The following EYS variants were observed in gnomAD, a reference collection of about 807,000 sequenced individuals.
The protein encoded by EYS is protein eyes shut homolog.
EYS carries 250 observed loss-of-function variants against 282.1 expected under a neutral mutation model. The ratio of observed to expected loss-of-function variants is 0.89; its 90% CI spans 0.80 to 0.98. EYS has a LOEUF of 0.98. Ranked by LOEUF, EYS falls within the 50% of genes least tolerant of loss-of-function variation. The pLI, the probability that EYS is intolerant of heterozygous loss-of-function variation, is 0.00. For missense variants in EYS, 4,016 were observed against 3,709.0 expected (o/e 1.08, Z -2.15); for synonymous variants, 1,355 against 1,282.9 (o/e 1.06, Z -1.20).
intron 42 of EYS, among the ~76,000 whole-genome samples, chr6:63,725,520 T>G (rs1369126129): frequency 6.6e-6 from 1 of 152,136 alleles, no homozygotes; most frequent in African/African-American, 2.4e-5. Flanking sequence ...AATTTATGTT[T>G]GTATGTGGTT....
intron 41 of EYS, among the ~76,000 whole-genome samples, chr6:63,759,982 G>A (rs995241823): frequency 3.3e-5 from 5 of 152,000 alleles, no homozygotes; most frequent in Non-Finnish European, 5.9e-5. Flanking sequence ...TGTTTAAGTA[G>A]TTTGAACATT....
At chr6:65,459,853 T>C (rs537810901) in intron 5 of EYS, among the ~76,000 whole-genome samples, 1 of 150,608 alleles carries the variant, frequency 6.6e-6, no homozygotes, top group Admixed American at 6.6e-5. Context: ...GTAGTCACTG[T>C]ATTTTGGTTG....
intron 35 of EYS, among the ~76,000 whole-genome samples, chr6:63,880,501 A>ATCTC (rs1180482787): frequency 1.1e-4 from 16 of 151,746 alleles, no homozygotes; most frequent in African/African-American, 3.9e-4. Flanking sequence ...CTATCTATCT[A>ATCTC]TCTATCTATC....
At chr6:65,064,489 T>C (rs1299199911) in intron 12 of EYS, among the ~76,000 whole-genome samples, 2 of 146,608 alleles carry the variant, frequency 1.4e-5, no homozygotes, top group Admixed American at 6.9e-5. Flanking sequence ...ATATAGTATA[T>C]ATAATATATA....
rs1582570751 is a variant in EYS, at chr6:64,306,912, T to C, written c.6191+58A>G. On this transcript the variant is annotated intron_variant, in intron 30 of 42. Coordinates refer to ENST00000503581, the MANE Select transcript of EYS (RefSeq NM_001142800.2). ...ATTAGATTATTTCAATTGGAAATGATATCTTTTGGTGTGGTTATTTGAACA... is the reference window on the plus strand; with the variant it reads ...ATTAGATTATTTCAATTGGAAATGACATCTTTTGGTGTGGTTATTTGAACA... The C allele has an allele frequency of 1.1e-5, 9 of 809,128 alleles. No homozygotes were observed. The South Asian group carries it at 1.4e-4, about 13-fold the overall frequency. The allele number at this position is 809,128 out of a possible 1,614,324, so 50.1% of individuals were successfully genotyped here.
chr6:65,531,027 T>A (rs1162905188), intron 2 of EYS, among the ~76,000 whole-genome samples: 1 of 152,168 alleles, frequency 6.6e-6, no homozygotes, highest in Non-Finnish European at 1.5e-5. Context: ...TGTATTTAGA[T>A]CTCCTTTACA....
intron 2 of EYS, among the ~76,000 whole-genome samples, chr6:65,538,043 A>C (rs1768024037): frequency 6.6e-6 from 1 of 152,160 alleles, no homozygotes; most frequent in African/African-American, 2.4e-5. Context: ...CAATTTCCTC[A>C]TTTTATTAAA....
rs187162048 is a variant in EYS, at chr6:65,227,115, C to T, written c.2023+68748G>A. On this transcript the variant is annotated intron_variant, in intron 12 of 42. Transcript: ENST00000503581. ...GGGTGTGGTGGTGCATGTCTGTAAT[C>T]CCAGCTACTCGGGAGGCTGAGGGGA... 1.8e-3 allele frequency among the ~76,000 whole-genome samples: 275 copies of T among 150,872 alleles called. 1 individual carries two copies. Among genetic ancestry groups the T allele is most frequent in the Middle Eastern group, 3.4e-3 (1 of 294 alleles).
chr6:64,494,916 T>C (rs1776844482), intron 26 of EYS, among the ~76,000 whole-genome samples: 1 of 151,692 alleles, frequency 6.6e-6, no homozygotes, highest in Admixed American at 6.6e-5. Context: ...GTTATAAATA[T>C]CTATATGATA....
In EYS at chr6:64,780,540, G is replaced by T. The variant is rs533489927; in HGVS notation, c.3443+32838C>A. On this transcript the variant is annotated intron_variant, in intron 22 of 42. Transcript: ENST00000503581. ...GAAGGGGAGAGGGAAGGACGGGGTTGAGGGTTGAACAATTATCTGTTGGGT... is the reference window on the plus strand; with the variant it reads ...GAAGGGGAGAGGGAAGGACGGGGTTTAGGGTTGAACAATTATCTGTTGGGT... 3.9e-5 allele frequency among the ~76,000 whole-genome samples: 6 copies of T among 152,268 alleles called. No homozygotes were observed. In the South Asian group the frequency reaches 1.2e-3, roughly 32 times the overall value.
At chr6:64,932,163 TC>T (rs1768748667) in intron 15 of EYS, among the ~76,000 whole-genome samples, 8 of 152,042 alleles carry the variant, frequency 5.3e-5, no homozygotes, top group African/African-American at 1.7e-4. Context: ...TCTCCCCAGC[TC>T]TTCAATGGAC....
chr6:64,939,331 T>C (rs1769013410), intron 15 of EYS, among the ~76,000 whole-genome samples: 1 of 151,820 alleles, frequency 6.6e-6, no homozygotes, highest in Non-Finnish European at 1.5e-5. Context: ...ATCTTAGGAA[T>C]GATGAAATGA....
chr6:63,855,751 T>C (rs1772373887), intron 36 of EYS, among the ~76,000 whole-genome samples: 1 of 152,200 alleles, frequency 6.6e-6, no homozygotes, highest in Admixed American at 6.5e-5. Flanking sequence ...AAGAGTGTTC[T>C]GATAAAGGGT....
At chr6:65,652,151 G>T (rs1228948310) in intron 1 of EYS, among the ~76,000 whole-genome samples, 1 of 151,958 alleles carries the variant, frequency 6.6e-6, no homozygotes, top group East Asian at 1.9e-4. Flanking sequence ...GAAGGAAAAT[G>T]ATAAATGAAA....
intron 14 of EYS, among the ~76,000 whole-genome samples, chr6:64,953,741 T>C (rs1256517730): frequency 7.2e-5 from 11 of 151,802 alleles, no homozygotes; most frequent in Non-Finnish European, 1.5e-5. Flanking sequence ...ACACTGAATT[T>C]GATTGAACAT....
At chr6:65,635,649 C>A (rs1454515329) in intron 2 of EYS, among the ~76,000 whole-genome samples, 5 of 152,070 alleles carry the variant, frequency 3.3e-5, no homozygotes, top group Non-Finnish European at 7.4e-5. Flanking sequence ...AATAGGCCTC[C>A]CCCAAAACTC....
chr6:64,287,780 G>A (rs989215614), intron 30 of EYS, among the ~76,000 whole-genome samples: 2 of 152,110 alleles, frequency 1.3e-5, no homozygotes, highest in African/African-American at 4.8e-5. Flanking sequence ...CAATAGACCG[G>A]AAAGATTATC....
Position 65,384,412 on chromosome 6 carries a change from A to T in EYS, c.1273T>A (p.Cys425Ser). 1 of 1,606,358 alleles carries T rather than the reference A, an allele frequency of 6.2e-7. No individual in the cohort carries two copies. Among genetic ancestry groups the T allele is most frequent in the Non-Finnish European group, 8.5e-7 (1 of 1,174,924 alleles). Residue 425 changes from cysteine to serine, a missense_variant, in exon 8 of 43, where the codon TGT becomes AGT. By Grantham distance (112) the Cys-to-Ser change is moderately radical (BLOSUM62 -1). Transcript: ENST00000503581. ...TTGAATCTTCCAATTATATTGAAAC[A>T]CCATTCTTCATTCAGACAGTTGATG... ...LSINCLNEEWCFNIIGRFKYV... is the reference protein window; with the variant it reads ...LSINCLNEEWSFNIIGRFKYV...
intron 22 of EYS, among the ~76,000 whole-genome samples, chr6:64,688,381 A>C (rs1770240561): frequency 6.6e-6 from 1 of 152,002 alleles, no homozygotes; most frequent in Admixed American, 6.6e-5. Flanking sequence ...ATTTCCCTCT[A>C]CACACTGCTT....
Sources: gnomAD v4.1 joint callset for allele counts (sites outside exome capture counted in the v4.1 genomes callset) on GRCh38, gnomAD v4.1.1 for gene constraint, MANE v1.5 for transcripts, NCBI Gene and HGNC (gene_info 2026-07-23, HGNC 2026-07-21) for gene names.